Variants in RSRC1 observed in about 807,000 individuals in gnomAD.
The protein encoded by RSRC1 is serine/Arginine-related protein 53.
Under a neutral mutation model 49.1 loss-of-function variants are expected in RSRC1, and 39 were observed. That is an observed-to-expected ratio of 0.79 (90% CI 0.61 to 1.04). RSRC1 has a LOEUF of 1.04. RSRC1 is among the 50% of genes least tolerant of loss of function. The probability of loss-of-function intolerance (pLI) is 0.00; values close to 1 mark genes in which losing one functional copy is unlikely to be tolerated. For missense variants in RSRC1, 388 were observed against 402.4 expected, an observed-to-expected ratio of 0.96 and a Z score of 0.31; for synonymous variants, 143 against 130.8, an observed-to-expected ratio of 1.09 and a Z score of -0.63.
intron 4 of RSRC1, among the ~76,000 whole-genome samples, chr3:158,288,461 T>C (rs2108096308): frequency 6.6e-6 from 1 of 152,352 alleles, no homozygotes; most frequent in East Asian, 1.9e-4. Context: ...GAGTTGCACC[T>C]GGCCTCAGTT....
chr3:158,125,659 T>C (rs1715572865), intron 3 of RSRC1, among the ~76,000 whole-genome samples: 1 of 152,214 alleles, frequency 6.6e-6, no homozygotes, highest in Non-Finnish European at 1.5e-5. Context: ...TCGTGGAGAA[T>C]GTTCCATGTA....
chr3:158,124,790 G>A (rs149581564), intron 3 of RSRC1, among the ~76,000 whole-genome samples: 5 of 149,774 alleles, frequency 3.3e-5, no homozygotes, highest in South Asian at 2.1e-4. Context: ...TAGTTATTAC[G>A]CTTCTGGTAT....
intron 6 of RSRC1, among the ~76,000 whole-genome samples, chr3:158,397,029 T>C (rs1381309495): frequency 6.6e-6 from 1 of 152,168 alleles, no homozygotes; most frequent in Non-Finnish European, 1.5e-5. Flanking sequence ...CCCACAACAG[T>C]GTACCACCTT....
chr3:158,149,698 T>A (rs1717402068), intron 3 of RSRC1, among the ~76,000 whole-genome samples: 2 of 152,176 alleles, frequency 1.3e-5, no homozygotes, highest in African/African-American at 4.8e-5. Flanking sequence ...TTATACCTAT[T>A]CCAACTCTGG....
intron 4 of RSRC1, among the ~76,000 whole-genome samples, chr3:158,229,272 ATG>A: frequency 1.0e-5 from 1 of 97,260 alleles, no homozygotes; most frequent in East Asian, 3.9e-4. Flanking sequence ...ATGTGTATGT[ATG>A]TATATAAACA....
intron 5 of RSRC1, among the ~76,000 whole-genome samples, chr3:158,352,932 A>T (rs139708966): frequency 6.6e-6 from 1 of 152,302 alleles, no homozygotes; most frequent in African/African-American, 2.4e-5. Flanking sequence ...TATTCAGTAG[A>T]TATCACAGTT....
chr3:158,394,504 A>G (rs1213185218), intron 6 of RSRC1, among the ~76,000 whole-genome samples: 1 of 152,150 alleles, frequency 6.6e-6, no homozygotes, highest in Non-Finnish European at 1.5e-5. Flanking sequence ...TCCAGGATAC[A>G]AAATCAATGT....
intron 3 of RSRC1, among the ~76,000 whole-genome samples, chr3:158,197,417 G>A (rs533532583): frequency 4.6e-5 from 7 of 151,876 alleles, no homozygotes; most frequent in Admixed American, 1.3e-4. Flanking sequence ...TCTTGGTAGC[G>A]GCCTATCAAT....
chr3:158,196,041 A>T (rs921015205), intron 3 of RSRC1, among the ~76,000 whole-genome samples: 2 of 152,110 alleles, frequency 1.3e-5, no homozygotes, highest in Non-Finnish European at 2.9e-5. Context: ...GAAGAAAGTC[A>T]TTGGTAACTT....
chr3:158,141,516 T>G (rs1352184026), intron 3 of RSRC1, among the ~76,000 whole-genome samples: 6 of 152,188 alleles, frequency 3.9e-5, no homozygotes, highest in Admixed American at 3.9e-4. Flanking sequence ...CTTAAATGAC[T>G]ATGCAAGTGT....
In RSRC1 at chr3:158,203,252, T is replaced by G. The variant is rs751008994; in HGVS notation, c.494+7T>G. ...TACATAACATCAAACGTGGGTAAGT[T>G]GGAGCAAATCTTATCTGGTAAGGAC... On this transcript the variant is annotated splice_region_variant and intron_variant, in intron 4 of 9. Transcript: ENST00000611884. 2 of 1,568,158 alleles carry G rather than the reference T, an allele frequency of 1.3e-6. No individual in the cohort carries two copies. Among genetic ancestry groups the G allele is most frequent in the African/African-American group, 1.3e-5 (1 of 74,124 alleles).
Position 158,123,899 on chromosome 3 carries a change from T to C in RSRC1, c.228T>C (p.Tyr76=). The change falls in exon 3 of 10, where the codon TAT becomes TAC. Residue 76 remains tyrosine (Y), a synonymous_variant. Transcript: ENST00000611884. ...ATCGATCAAGCAGTAGCTCTTCTTA[T>C]GGCTCCAGAAGGAAACGAAGTCGAA... ...RRHRSSSSSS[Y]GSRRKRSRSR... The C allele has an allele frequency of 6.2e-6, 10 of 1,612,408 alleles. No homozygotes were observed. Among genetic ancestry groups the C allele is most frequent in the Non-Finnish European group, 7.6e-6 (9 of 1,178,886 alleles).
At position 158,514,676 on chromosome 3, in the gene RSRC1, G is replaced by A. The variant is rs1740400495; in HGVS notation, c.653-22416G>A. ...AGTTCAATTCCTCGGTATCCTTGTT[G>A]ACTCTCTGTCTCGTTGATCTGTCTA... is the stretch of plus-strand genomic sequence containing the variant. On this transcript the variant is annotated intron_variant, in intron 7 of 9. Transcript: ENST00000611884. Among the ~76,000 whole-genome samples the A allele has an allele frequency of 4.6e-5, 7 of 152,008 alleles. No individual in the cohort carries two copies. In the South Asian group the frequency reaches 1.5e-3, roughly 32 times the overall value.
chr3:158,263,772 T>A (rs1386886203), intron 4 of RSRC1, among the ~76,000 whole-genome samples: 1 of 152,166 alleles, frequency 6.6e-6, no homozygotes, highest in Non-Finnish European at 1.5e-5. Context: ...TGATAGTTTG[T>A]GTCTTTCCAG....
chr3:158,422,304 C>G (rs1423609443), intron 6 of RSRC1, among the ~76,000 whole-genome samples: 1 of 148,168 alleles, frequency 6.7e-6, no homozygotes, highest in Admixed American at 6.8e-5. Flanking sequence ...CAATTCCCAC[C>G]TATGAGTGAG....
intron 6 of RSRC1, among the ~76,000 whole-genome samples, chr3:158,408,368 G>A (rs1280407328): frequency 2.0e-5 from 3 of 152,080 alleles, no homozygotes; most frequent in Non-Finnish European, 2.9e-5. Flanking sequence ...CTGGCATATT[G>A]AGCCTCCTGA....
At chr3:158,310,021 A>G (rs1459650718) in intron 5 of RSRC1, among the ~76,000 whole-genome samples, 1 of 151,732 alleles carries the variant, frequency 6.6e-6, no homozygotes, top group Non-Finnish European at 1.5e-5. Flanking sequence ...CTTAGCATGT[A>G]CTGCATACAA....
chr3:158,320,003 G>A (rs1171993365), intron 5 of RSRC1, among the ~76,000 whole-genome samples: 2 of 152,138 alleles, frequency 1.3e-5, no homozygotes, highest in South Asian at 2.1e-4. Flanking sequence ...TCAACTATAG[G>A]AGGAGATTTA....
chr3:158,302,591 AGTT>A (rs1404586406), intron 5 of RSRC1: 1 of 145,122 alleles, frequency 6.9e-6, no homozygotes, highest in Non-Finnish European at 1.5e-5. Flanking sequence ...GCTGCTCTAA[AGTT>A]GTAGAAAGTT....
Sources: gnomAD v4.1 joint callset for allele counts (sites outside exome capture counted in the v4.1 genomes callset) on GRCh38, gnomAD v4.1.1 for gene constraint, MANE v1.5 for transcripts, NCBI Gene and HGNC (gene_info 2026-07-23, HGNC 2026-07-21) for gene names.